The following GJA5 variants were observed in gnomAD, a reference collection of about 807,000 sequenced individuals.
GJA5 encodes gap junction protein alpha 5, also known as gap junction alpha-5 protein.
In GJA5, 3 loss-of-function variants were observed where a neutral mutation model predicts 7.9. That is an observed-to-expected ratio of 0.38 (90% CI 0.17 to 0.99). GJA5 has a LOEUF of 0.99. Ranked by LOEUF, GJA5 falls within the 50% of genes least tolerant of loss-of-function variation. GJA5 has a pLI of 0.38. For synonymous variants in GJA5, 193 were observed against 181.0 expected (o/e 1.07, Z -0.53); for missense variants, 390 against 457.9 (o/e 0.85, Z 1.35).
intron 1 of GJA5, among the ~76,000 whole-genome samples, chr1:147,765,968 C>T (rs1553228127): frequency 6.6e-6 from 1 of 152,164 alleles, no homozygotes; most frequent in African/African-American, 2.4e-5. Context: ...TGAGGCCCTA[C>T]CATAGGGATG....
exon 1 of GJA5, chr1:147,773,296 T>C: frequency 6.6e-6 from 1 of 152,452 alleles, no homozygotes; most frequent in Non-Finnish European, 1.5e-5. Context: ...GTGGGCTTCT[T>C]CACACTCTGG....
In GJA5 at chr1:147,756,870, C is replaced by T. The variant is rs1553226510; in HGVS notation, c.*1292G>A. On this transcript the variant is annotated 3_prime_UTR_variant, in exon 2 of 2. Transcript: ENST00000579774. ...GGGAAGGCAAGGCTTTTCTACAGCCCCCACTTGGCAGTCTCATTAGGGGCA... is the reference window on the plus strand; with the variant it reads ...GGGAAGGCAAGGCTTTTCTACAGCCTCCACTTGGCAGTCTCATTAGGGGCA... 5 of 152,150 alleles carry T rather than the reference C, an allele frequency of 3.3e-5. No individual in the cohort carries two copies. Among genetic ancestry groups the T allele is most frequent in the African/African-American group, 1.2e-4 (5 of 41,404 alleles). 9.4% of individuals were successfully genotyped at this position (152,150 alleles called of 1,614,324 possible).
intron 1 of GJA5, among the ~76,000 whole-genome samples, chr1:147,770,708 AG>A (rs1553228944): frequency 2.0e-5 from 3 of 152,138 alleles, no homozygotes. Flanking sequence ...ATAAACTCTA[AG>A]GTCCCTCTGT....
upstream of GJA5, among the ~76,000 whole-genome samples, chr1:147,765,526 G>A (rs1403964539): frequency 1.3e-5 from 2 of 152,210 alleles, no homozygotes; most frequent in African/African-American, 4.8e-5. Flanking sequence ...GGGGTGTGGA[G>A]TGGATGGAGG....
At position 147,758,918 on chromosome 1, in the gene GJA5, C is replaced by T. The variant is rs1553227039; in HGVS notation, c.321G>A (p.Lys107=). 4.3e-6 allele frequency: 7 copies of T among 1,614,264 alleles called. No individual in the cohort carries two copies. Among genetic ancestry groups the T allele is most frequent in the Non-Finnish European group, 5.9e-6 (7 of 1,180,046 alleles). Residue 107 remains lysine (K), a synonymous_variant, in exon 2 of 2, where the codon AAG becomes AAA. Transcript: ENST00000579774. ...MHTVRMQEKR[K]LREAERAKEV... Reference sequence around the variant, plus strand: ...CTTTGGCCCTCTCGGCCTCCCGTAGCTTGCGCTTCTCCTGCATGCGCACAG... The same window carrying T: ...CTTTGGCCCTCTCGGCCTCCCGTAGTTTGCGCTTCTCCTGCATGCGCACAG...
intron 1 of GJA5, among the ~76,000 whole-genome samples, chr1:147,770,001 T>G (rs1049539872): frequency 4.7e-4 from 72 of 151,664 alleles, no homozygotes; most frequent in Non-Finnish European, 4.4e-5. Context: ...ACACTCACAA[T>G]GAGAGGTTTG....
chr1:147,771,930 T>A (rs1423088277), intron 1 of GJA5, among the ~76,000 whole-genome samples: 1 of 152,158 alleles, frequency 6.6e-6, no homozygotes, highest in Non-Finnish European at 1.5e-5. Context: ...TGGGCTGGGC[T>A]TGGCTGTGAC....
upstream of GJA5, among the ~76,000 whole-genome samples, chr1:147,764,805 C>G (rs1364084684): frequency 8.5e-6 from 1 of 117,142 alleles, no homozygotes; most frequent in Non-Finnish European, 1.6e-5. Flanking sequence ...GCCTAGGCAA[C>G]AGAGTGAGAC....
chr1:147,772,606 A>G (rs1017452364), intron 1 of GJA5, among the ~76,000 whole-genome samples: 1 of 152,150 alleles, frequency 6.6e-6, no homozygotes, highest in Non-Finnish European at 1.5e-5. Flanking sequence ...TCACACCACA[A>G]GTGGAAAGGA....
In GJA5 at chr1:147,758,298, T is replaced by A; in HGVS notation, c.941A>T (p.Gln314Leu). 1 of 1,614,142 alleles carries A rather than the reference T, an allele frequency of 6.2e-7. No homozygotes were observed. Among genetic ancestry groups the A allele is most frequent in the Non-Finnish European group, 8.5e-7 (1 of 1,179,998 alleles). Reference protein sequence around the residue: ...QEQTPGEGFIQVRYGQKPEVP... With the variant: ...QEQTPGEGFILVRYGQKPEVP... ...CTCAGGCTTCTGGCCATAACGAACCTGGATGAAACCTTCCCCAGGAGTCTG... is the reference window on the plus strand; with the variant it reads ...CTCAGGCTTCTGGCCATAACGAACCAGGATGAAACCTTCCCCAGGAGTCTG... Residue 314 changes from glutamine to leucine, a missense_variant, in exon 2 of 2, where the codon CAG (glutamine) becomes CTG (leucine). Gln to Leu is a moderately radical substitution (Grantham distance 113). Coordinates refer to ENST00000579774, the MANE Select transcript of GJA5 (RefSeq NM_181703.4).
rs1368740978 is a variant in GJA5, at chr1:147,760,534, C to T, written c.-69G>A. The T allele has an allele frequency of 6.6e-6, 1 of 152,414 alleles. No homozygotes were observed. The highest frequency in any genetic ancestry group is 1.9e-4 in the East Asian group (1 of 5,178). 9.4% of individuals were successfully genotyped at this position (152,414 alleles called of 1,614,324 possible). A position where few individuals can be genotyped will look rare whatever the true frequency, so the allele number is the denominator to read the frequency against. On this transcript the variant is annotated 5_prime_UTR_variant, in exon 1 of 2. Coordinates refer to ENST00000579774, the MANE Select transcript of GJA5 (RefSeq NM_181703.4). ...GTGCTTGCTGCCTTGTGTTGTAATC[C>T]TCTGCCTGTCTGTGTTCTCCCAGGA...
chr1:147,773,076 C>T (rs1403919034), intron 1 of GJA5, among the ~76,000 whole-genome samples: 1 of 152,174 alleles, frequency 6.6e-6, no homozygotes, highest in Admixed American at 6.5e-5. Flanking sequence ...CTAAACCTTC[C>T]TTTTTAATAT....
chr1:147,772,789 G>GAA (rs10687653), intron 1 of GJA5, among the ~76,000 whole-genome samples: 8,282 of 125,898 alleles, frequency 0.066, 388 homozygotes, highest in African/African-American at 0.084. Flanking sequence ...GCCTTAGGGA[G>GAA]AAAAAAAAAA....
chr1:147,767,237 C>CA (rs1664237731), intron 1 of GJA5, among the ~76,000 whole-genome samples: 1 of 151,664 alleles, frequency 6.6e-6, no homozygotes, highest in African/African-American at 2.4e-5. Context: ...GTTACACACA[C>CA]AAAAAAAGAA....
At chr1:147,764,406 A>C (rs1483346563), upstream of GJA5, among the ~76,000 whole-genome samples, 2 of 152,190 alleles carry the variant, frequency 1.3e-5, no homozygotes, top group Non-Finnish European at 2.9e-5. Flanking sequence ...ACATTTGTCT[A>C]TCAGCCAACC....
At position 147,758,019 on chromosome 1, in the gene GJA5, T is replaced by G. The variant is rs1375139481; in HGVS notation, c.*143A>C. 1 of 688,134 alleles carries G rather than the reference T, an allele frequency of 1.5e-6. No homozygotes were observed. The highest frequency in any genetic ancestry group is 1.8e-5 in the African/African-American group (1 of 56,122). 42.6% of individuals were successfully genotyped at this position (688,134 alleles called of 1,614,324 possible). A position where few individuals can be genotyped will look rare whatever the true frequency, so the allele number is the denominator to read the frequency against. On this transcript the variant is annotated 3_prime_UTR_variant, in exon 2 of 2. Coordinates refer to ENST00000579774, the MANE Select transcript of GJA5 (RefSeq NM_181703.4). The stretch of plus-strand genomic sequence containing the variant: ...GAGCCCTGGTTATAGTTTCTAGAAT[T>G]AATGAGCAACGTCATTGAGACCCGG...
chr1:147,769,665 G>A lies in GJA5; in HGVS notation c.-34+3587C>T, dbSNP rs190399530. On this transcript the variant is annotated intron_variant, in intron 1 of 1. Coordinates refer to the GJA5 transcript ENST00000430508. The stretch of plus-strand genomic sequence containing the variant: ...GTGACACAGCAAGGACCCTCATGTG[G>A]CACAGGTAAAAGAGGGTAACTGTCA... Among the ~76,000 whole-genome samples the A allele has an allele frequency of 2.8e-3, 429 of 152,218 alleles. 2 individuals are homozygous for A. Among genetic ancestry groups the A allele is most frequent in the African/African-American group, 9.6e-3 (399 of 41,534 alleles).
chr1:147,768,889 T>A (rs1664303671), intron 1 of GJA5, among the ~76,000 whole-genome samples: 1 of 152,188 alleles, frequency 6.6e-6, no homozygotes, highest in Admixed American at 6.5e-5. Context: ...AAAGCCCACA[T>A]CCTCTCTACA....
chr1:147,772,548 G>A (rs1407258867), intron 1 of GJA5, among the ~76,000 whole-genome samples: 2 of 152,158 alleles, frequency 1.3e-5, no homozygotes, highest in African/African-American at 4.8e-5. Flanking sequence ...TCAGAAGAAA[G>A]GTCCAGGAAG....
Sources: allele counts gnomAD v4.1 joint callset (sites outside exome capture counted in the v4.1 genomes callset), GRCh38; gene constraint gnomAD v4.1.1; transcripts MANE v1.5; gene names NCBI Gene and HGNC (gene_info 2026-07-23, HGNC 2026-07-21).